CTNNA2: variants seen among roughly 807,000 people sequenced by gnomAD.
CTNNA2 encodes catenin alpha 2.
CTNNA2 carries 42 observed loss-of-function variants against 101.0 expected under a neutral mutation model. The observed-to-expected ratio is 0.42, with a 90% CI of 0.32 to 0.54. The LOEUF is 0.54. Ranked by LOEUF, CTNNA2 falls within the 20% of genes least tolerant of loss-of-function variation. The pLI, the probability that CTNNA2 is intolerant of heterozygous loss-of-function variation, is 0.14. For synonymous variants in CTNNA2, 450 were observed against 456.4 expected (o/e 0.99, Z 0.18); for missense variants, 871 against 1,223.1 (o/e 0.71, Z 4.29).
chr2:80,043,115 CTTTCTCCTTCCTTCCT>C (rs1558755219), intron 7 of CTNNA2, among the ~76,000 whole-genome samples: 2 of 95,270 alleles, frequency 2.1e-5, no homozygotes, highest in African/African-American at 4.2e-5. Context: ...CTCTCTCTTT[CTTTCTCCTTCCTTCCT>C]TCCTTCCTTC....
At position 79,640,083 on chromosome 2, in the gene CTNNA2, C is replaced by T. The variant is rs186411203; in HGVS notation, c.-5-11469C>T. The stretch of plus-strand genomic sequence containing the variant: ...AAGTGAAGATCTCTGTTCCTGAATG[C>T]ATTAGAAGGCACAAAACTTAGGTAA... On this transcript the variant is annotated intron_variant, in intron 1 of 18. Coordinates refer to ENST00000402739, the MANE Select transcript of CTNNA2 (RefSeq NM_001282597.3). 8.0e-3 allele frequency among the ~76,000 whole-genome samples: 1,212 copies of T among 151,822 alleles called. 55 individuals are homozygous for T. The highest frequency in any genetic ancestry group is 0.071 in the Admixed American group (1,085 of 15,210).
chr2:79,223,571 A>T (rs1278013233), intron 2 of CTNNA2, among the ~76,000 whole-genome samples: 3 of 152,190 alleles, frequency 2.0e-5, no homozygotes, highest in Non-Finnish European at 1.5e-5. Flanking sequence ...ACATGCTATC[A>T]GTCACCCATC....
chr2:80,265,925 C>T (rs947503881), intron 7 of CTNNA2, among the ~76,000 whole-genome samples: 45 of 152,152 alleles, frequency 3.0e-4, no homozygotes, highest in African/African-American at 9.9e-4. Flanking sequence ...CAGGAATGTA[C>T]GTTCTTTAAC....
intron 7 of CTNNA2, among the ~76,000 whole-genome samples, chr2:80,377,023 G>A (rs906577596): frequency 6.6e-6 from 1 of 152,184 alleles, no homozygotes; most frequent in Non-Finnish European, 1.5e-5. Context: ...GGTTGTCAGA[G>A]CTTGAATTCC....
intron 7 of CTNNA2, among the ~76,000 whole-genome samples, chr2:80,052,482 CT>C (rs1484755875): frequency 1.3e-5 from 2 of 152,240 alleles, no homozygotes; most frequent in African/African-American, 4.8e-5. Context: ...TGATTTGTTG[CT>C]GCTGATTTAT....
intron 1 of CTNNA2, among the ~76,000 whole-genome samples, chr2:79,599,946 G>A (rs1428070644): frequency 6.6e-6 from 1 of 152,140 alleles, no homozygotes; most frequent in African/African-American, 2.4e-5. Flanking sequence ...GAGAAGAAAA[G>A]TCTTGAGGGA....
intron 2 of CTNNA2, among the ~76,000 whole-genome samples, chr2:79,722,906 G>T (rs1408931257): frequency 6.6e-6 from 1 of 152,100 alleles, no homozygotes; most frequent in Non-Finnish European, 1.5e-5. Flanking sequence ...TTGCTATGCT[G>T]TGTTTTACTT....
chr2:80,102,360 T>G (rs969171769), intron 7 of CTNNA2, among the ~76,000 whole-genome samples: 12 of 152,200 alleles, frequency 7.9e-5, no homozygotes, highest in African/African-American at 2.9e-4. Flanking sequence ...CCAAACTGTT[T>G]TGATCATATT....
chr2:80,174,603 C>A (rs752457641), intron 7 of CTNNA2, among the ~76,000 whole-genome samples: 1 of 152,150 alleles, frequency 6.6e-6, no homozygotes, highest in Non-Finnish European at 1.5e-5. Context: ...TCCTTGAAGC[C>A]AATCTTGAAG....
chr2:79,734,026 C>A (rs78384869), intron 2 of CTNNA2, among the ~76,000 whole-genome samples: 3,249 of 152,176 alleles, frequency 0.021, 101 homozygotes, highest in African/African-American at 0.075. Flanking sequence ...TACTTTGTTT[C>A]ATTTTGTTTT....
At chr2:80,234,061 T>C (rs1252895362) in intron 7 of CTNNA2, among the ~76,000 whole-genome samples, 2 of 152,160 alleles carry the variant, frequency 1.3e-5, no homozygotes, top group Non-Finnish European at 2.9e-5. Flanking sequence ...TTGTTTTTTT[T>C]TTTGAGATGG....
At chr2:80,170,030 C>T (rs1474372630) in intron 7 of CTNNA2, among the ~76,000 whole-genome samples, 2 of 152,172 alleles carry the variant, frequency 1.3e-5, no homozygotes, top group Non-Finnish European at 2.9e-5. Flanking sequence ...AGCAAGAACT[C>T]AGTAAATAAT....
chr2:80,092,296 C>A (rs929241677), intron 7 of CTNNA2, among the ~76,000 whole-genome samples: 1 of 152,128 alleles, frequency 6.6e-6, no homozygotes, highest in African/African-American at 2.4e-5. Context: ...AACTTGCATT[C>A]CTCATCAGTA....
intron 2 of CTNNA2, among the ~76,000 whole-genome samples, chr2:79,726,944 T>C (rs899082789): frequency 2.0e-5 from 3 of 152,214 alleles, no homozygotes; most frequent in South Asian, 2.1e-4. Context: ...TTAAATAGTC[T>C]AATTAGGCAA....
intron 7 of CTNNA2, among the ~76,000 whole-genome samples, chr2:80,346,052 AT>A (rs1021502844): frequency 2.2e-4 from 34 of 152,288 alleles, no homozygotes; most frequent in African/African-American, 7.5e-4. Context: ...TCTGATCACA[AT>A]TTTTTTGAAC....
At chr2:79,537,643 G>C (rs1019186709) in intron 1 of CTNNA2, among the ~76,000 whole-genome samples, 1 of 152,168 alleles carries the variant, frequency 6.6e-6, no homozygotes, top group Non-Finnish European at 1.5e-5. Context: ...TCACCCAGTA[G>C]CAAAGGCTGC....
intron 9 of CTNNA2, among the ~76,000 whole-genome samples, chr2:80,444,468 A>G (rs55767232): frequency 0.073 from 11,108 of 152,244 alleles, 435 homozygotes; most frequent in Middle Eastern, 0.092. Context: ...CAGTTTCTCA[A>G]TATCAGCACC....
chr2:79,771,967 TA>T (rs2105148694), intron 3 of CTNNA2, among the ~76,000 whole-genome samples: 1 of 152,268 alleles, frequency 6.6e-6, no homozygotes. Flanking sequence ...TGTTTTGTGC[TA>T]AAATGAGCCT....
chr2:79,880,326 C>G (rs1683331016), intron 6 of CTNNA2, among the ~76,000 whole-genome samples: 1 of 152,112 alleles, frequency 6.6e-6, no homozygotes, highest in Admixed American at 6.5e-5. Flanking sequence ...ATGATGCGGG[C>G]TCCATAAAAT....
Sources: allele counts gnomAD v4.1 joint callset (sites outside exome capture counted in the v4.1 genomes callset), GRCh38; gene constraint gnomAD v4.1.1; transcripts MANE v1.5; gene names NCBI Gene and HGNC (gene_info 2026-07-23, HGNC 2026-07-21).